GAS2: variants seen among roughly 807,000 people sequenced by gnomAD.
The protein encoded by GAS2 is growth arrest-specific protein 2.
GAS2 carries 20 observed loss-of-function variants against 37.5 expected under a neutral mutation model. The ratio of observed to expected loss-of-function variants is 0.53; its 90% CI spans 0.37 to 0.77. GAS2 has a LOEUF of 0.77. Among genes scored for constraint, GAS2 ranks in the 30% least tolerant of loss-of-function variants. The pLI, the probability that GAS2 is intolerant of heterozygous loss-of-function variation, is 0.00. For missense variants in GAS2, 336 were observed against 373.4 expected (o/e 0.90, Z 0.82); for synonymous variants, 144 against 132.2 (o/e 1.09, Z -0.61).
chr11:22,627,451 T>C (rs1158123228), intron 1 of GAS2, among the ~76,000 whole-genome samples: 1 of 152,128 alleles, frequency 6.6e-6, no homozygotes, highest in African/African-American at 2.4e-5. Context: ...TCTTAGGGGA[T>C]AGGAAGGTCT....
upstream of GAS2, among the ~76,000 whole-genome samples, chr11:22,665,137 C>T (rs1214744454): frequency 1.3e-5 from 2 of 152,092 alleles, no homozygotes; most frequent in Non-Finnish European, 2.9e-5. Context: ...TCAACAAAAA[C>T]ATTGCCTTAC....
chr11:22,754,732 T>C (rs1262810308), intron 6 of GAS2, among the ~76,000 whole-genome samples: 1 of 152,136 alleles, frequency 6.6e-6, no homozygotes, highest in Admixed American at 6.6e-5. Flanking sequence ...TGTTTTACTC[T>C]CTGCACAGTT....
intron 3 of GAS2, among the ~76,000 whole-genome samples, chr11:22,707,186 T>C (rs1050797753): frequency 6.6e-6 from 1 of 152,100 alleles, no homozygotes; most frequent in Admixed American, 6.6e-5. Context: ...AGGACACAGA[T>C]GGATAGTAGT....
intron 6 of GAS2, 46 bp from the exon 7 acceptor site, chr11:22,755,800 T>C: frequency 1.4e-6 from 2 of 1,407,526 alleles, no homozygotes; most frequent in Non-Finnish European, 2.0e-6. Flanking sequence ...TTAACATAAA[T>C]GCAGCCTAAT....
intron 7 of GAS2, among the ~76,000 whole-genome samples, chr11:22,768,155 G>A (rs1854789622): frequency 6.6e-6 from 1 of 152,258 alleles, no homozygotes; most frequent in Admixed American, 6.5e-5. Context: ...AAGATCTTAA[G>A]GAGCTCTTTA....
intron 7 of GAS2, among the ~76,000 whole-genome samples, chr11:22,774,943 AAGTAAC>A (rs1855175985): frequency 6.6e-6 from 1 of 152,018 alleles, no homozygotes; most frequent in African/African-American, 2.4e-5. Flanking sequence ...AAAGGCCCAG[AAGTAAC>A]AGAGGAGGAG....
At chr11:22,752,060 A>G (rs1853768845) in intron 6 of GAS2, among the ~76,000 whole-genome samples, 1 of 152,058 alleles carries the variant, frequency 6.6e-6, no homozygotes, top group Non-Finnish European at 1.5e-5. Context: ...CAGCTAGAAT[A>G]TTATGTTTCA....
At chr11:22,677,045 A>G (rs1029766639) in intron 2 of GAS2, among the ~76,000 whole-genome samples, 2 of 152,210 alleles carry the variant, frequency 1.3e-5, no homozygotes, top group African/African-American at 2.4e-5. Flanking sequence ...GAGGATAGTG[A>G]TTAAGAATAA....
At chr11:22,652,522 G>T (rs61889426) in intron 1 of GAS2, among the ~76,000 whole-genome samples, 1 of 152,200 alleles carries the variant, frequency 6.6e-6, no homozygotes, top group Admixed American at 6.5e-5. Context: ...TCCCCAGCCT[G>T]GCTGCCGCCT....
chr11:22,646,099 T>A (rs1368377176), intron 1 of GAS2, among the ~76,000 whole-genome samples: 1 of 152,138 alleles, frequency 6.6e-6, no homozygotes, highest in African/African-American at 2.4e-5. Context: ...TGTCTCGGCC[T>A]CCTGAAGTGC....
intron 7 of GAS2, among the ~76,000 whole-genome samples, chr11:22,791,083 G>T (rs771667852): frequency 1.3e-5 from 2 of 152,132 alleles, no homozygotes; most frequent in Non-Finnish European, 2.9e-5. Flanking sequence ...GATTAGGCAA[G>T]ATTAAATCCC....
intron 3 of GAS2, among the ~76,000 whole-genome samples, chr11:22,703,513 A>G (rs1215019442): frequency 7.2e-5 from 11 of 152,212 alleles, no homozygotes; most frequent in Admixed American, 5.9e-4. Context: ...TTAAAGGGAA[A>G]CATTCATAGA....
At chr11:22,792,367 A>T (rs1856207924) in intron 7 of GAS2, among the ~76,000 whole-genome samples, 1 of 152,242 alleles carries the variant, frequency 6.6e-6, no homozygotes, top group African/African-American at 2.4e-5. Context: ...CATCTAACAG[A>T]CCTGTGCACA....
rs543893567 is a variant in GAS2, at chr11:22,752,982, C to T, written c.616-2864C>T. Among the ~76,000 whole-genome samples, 12 of 152,174 alleles carry T rather than the reference C, an allele frequency of 7.9e-5. No individual in the cohort carries two copies. In the South Asian group the frequency reaches 2.3e-3, roughly 29 times the overall value. On this transcript the variant is annotated intron_variant, in intron 6 of 7. Transcript: ENST00000454584. The stretch of plus-strand genomic sequence containing the variant: ...ATAGAGTGATTCAGCTGTGATAAAA[C>T]GGTGGAGTCAGGTTTAGTTCTCCTC...
At chr11:22,653,029 TTCTTTC>T (rs1411828032) in intron 1 of GAS2, among the ~76,000 whole-genome samples, 5 of 148,848 alleles carry the variant, frequency 3.4e-5, no homozygotes, top group Non-Finnish European at 5.9e-5. Flanking sequence ...CTTTCTTTCT[TTCTTTC>T]TCTTTCTTTC....
intron 1 of GAS2, among the ~76,000 whole-genome samples, chr11:22,668,965 G>C (rs1040351315): frequency 3.3e-5 from 5 of 152,140 alleles, no homozygotes; most frequent in Admixed American, 2.0e-4. Context: ...ATGAACTGGA[G>C]TAACAGTAGA....
At chr11:22,666,231 G>A (rs984586854), upstream of GAS2, among the ~76,000 whole-genome samples, 2 of 152,220 alleles carry the variant, frequency 1.3e-5, no homozygotes, top group South Asian at 2.1e-4. Context: ...AAACAGCCGT[G>A]AGTACAGCCT....
At chr11:22,778,137 C>T (rs1462668651) in intron 7 of GAS2, among the ~76,000 whole-genome samples, 1 of 152,156 alleles carries the variant, frequency 6.6e-6, no homozygotes, top group African/African-American at 2.4e-5. Flanking sequence ...GAAAAGTAAT[C>T]TTTCCAGCTT....
At position 22,720,351 on chromosome 11, in the gene GAS2, A is replaced by G. The variant is rs76653864; in HGVS notation, c.268-5941A>G. Reference sequence around the variant, plus strand: ...AATCATAGCTCACTGCTTGAGGCACAGGGTCTTACTGCAGAGTCCCCAGGA... The same window carrying G: ...AATCATAGCTCACTGCTTGAGGCACGGGGTCTTACTGCAGAGTCCCCAGGA... On this transcript the variant is annotated intron_variant, in intron 3 of 7. Transcript: ENST00000454584. Among the ~76,000 whole-genome samples the G allele has an allele frequency of 1.6e-3, 247 of 152,124 alleles. 8 individuals carry two copies. The East Asian group carries it at 0.044, about 27-fold the overall frequency.
Sources: gnomAD v4.1 joint callset for allele counts (sites outside exome capture counted in the v4.1 genomes callset) on GRCh38, gnomAD v4.1.1 for gene constraint, MANE v1.5 for transcripts, NCBI Gene and HGNC (gene_info 2026-07-23, HGNC 2026-07-21) for gene names.